Variants in CNTN4 observed in about 807,000 individuals in gnomAD.
CNTN4 encodes the protein contactin-4.
CNTN4 carries 77 observed loss-of-function variants against 122.5 expected under a neutral mutation model. That is an observed-to-expected ratio of 0.63 (90% CI 0.52 to 0.76). The LOEUF is 0.76. Among genes scored for constraint, CNTN4 ranks in the 30% least tolerant of loss-of-function variants. The pLI is 0.00. For synonymous variants in CNTN4, 512 were observed against 447.0 expected, an observed-to-expected ratio of 1.15 and a Z score of -1.83; for missense variants, 1,256 against 1,259.1, an observed-to-expected ratio of 1.00 and a Z score of 0.04.
intron 3 of CNTN4, among the ~76,000 whole-genome samples, chr3:2,568,557 A>C (rs2079284037): frequency 6.6e-6 from 1 of 151,956 alleles, no homozygotes; most frequent in Non-Finnish European, 1.5e-5. Context: ...TGCCACCATA[A>C]CTCTTGGCTC....
intron 13 of CNTN4, among the ~76,000 whole-genome samples, chr3:2,929,829 A>G (rs955073201): frequency 4.6e-5 from 7 of 152,198 alleles, no homozygotes; most frequent in Admixed American, 1.3e-4. Context: ...TGGACTGAGA[A>G]TGGGACAGGG....
At chr3:2,973,491 C>T (rs1693128015) in intron 13 of CNTN4, among the ~76,000 whole-genome samples, 1 of 151,944 alleles carries the variant, frequency 6.6e-6, no homozygotes, top group Non-Finnish European at 1.5e-5. Flanking sequence ...TTGTGCATAG[C>T]TTCATTTTGG....
intron 4 of CNTN4, among the ~76,000 whole-genome samples, chr3:2,714,899 G>A (rs907448905): frequency 5.9e-5 from 9 of 152,092 alleles, no homozygotes; most frequent in African/African-American, 9.7e-5. Context: ...ACCACGCTGG[G>A]CCCAGTTCGA....
rs146318312 is a variant in CNTN4 at position 2,404,646 on chromosome 3, T to A, written c.-89+65413T>A. 2.5e-3 allele frequency among the ~76,000 whole-genome samples: 388 copies of A among 152,312 alleles called. 1 individual carries two copies. The highest frequency in any genetic ancestry group is 0.02 in the Middle Eastern group (6 of 294). ...AACTGATTATCTAGGGTAATCTCCC[T>A]GTTGTAAAGTCAGCTAATTAATCAC... On this transcript the variant is annotated intron_variant, in intron 3 of 24. Transcript: ENST00000418658.
chr3:2,234,370 CA>C (rs72401999), intron 2 of CNTN4, among the ~76,000 whole-genome samples: 11,903 of 94,242 alleles, frequency 0.13, 520 homozygotes, highest in Non-Finnish European at 0.17. Context: ...AAGTCCATCT[CA>C]AAAAAAAAAA....
At chr3:2,684,375 G>T (rs537975501) in intron 4 of CNTN4, among the ~76,000 whole-genome samples, 2 of 152,132 alleles carry the variant, frequency 1.3e-5, no homozygotes, top group East Asian at 3.9e-4. Context: ...AATGAATTCT[G>T]CAGACCAGCT....
chr3:2,308,682 T>A (rs1302474672), intron 2 of CNTN4, among the ~76,000 whole-genome samples: 1 of 152,124 alleles, frequency 6.6e-6, no homozygotes, highest in East Asian at 1.9e-4. Flanking sequence ...ATTTTCCACA[T>A]ATTTACAAAT....
chr3:2,596,790 G>A (rs2080789965), intron 4 of CNTN4, among the ~76,000 whole-genome samples: 2 of 152,014 alleles, frequency 1.3e-5, no homozygotes, highest in South Asian at 4.1e-4. Flanking sequence ...AAATTATAAG[G>A]CCATTCTATC....
At chr3:3,042,282 T>C (rs368065901) in intron 20 of CNTN4, 28 bp from the exon 21 acceptor site, 790 of 1,432,616 alleles carry the variant, frequency 5.5e-4, no homozygotes, top group Non-Finnish European at 6.5e-4. Context: ...GCTGATAGAG[T>C]AATAACTATC....
chr3:2,826,252 A>C (rs2092986306), intron 7 of CNTN4, among the ~76,000 whole-genome samples: 1 of 152,152 alleles, frequency 6.6e-6, no homozygotes, highest in Non-Finnish European at 1.5e-5. Context: ...TCTTGATGGC[A>C]GGGGATCCTC....
intron 7 of CNTN4, among the ~76,000 whole-genome samples, chr3:2,828,526 G>T (rs1011831779): frequency 6.6e-6 from 1 of 152,050 alleles, no homozygotes; most frequent in Non-Finnish European, 1.5e-5. Flanking sequence ...AGAATGTTGA[G>T]GTCAGCCAAA....
intron 3 of CNTN4, among the ~76,000 whole-genome samples, chr3:2,404,391 T>C (rs1432054163): frequency 1.3e-5 from 2 of 152,142 alleles, no homozygotes; most frequent in Non-Finnish European, 2.9e-5. Context: ...GGCCCTCATA[T>C]TTTGCTGGTT....
At chr3:3,000,724 T>C (rs1457674258) in intron 14 of CNTN4, among the ~76,000 whole-genome samples, 2 of 152,138 alleles carry the variant, frequency 1.3e-5, no homozygotes, top group Admixed American at 6.5e-5. Flanking sequence ...GACTCATATA[T>C]CCCACCCAAC....
intron 3 of CNTN4, among the ~76,000 whole-genome samples, chr3:2,363,002 A>C (rs959453039): frequency 2.6e-5 from 4 of 152,192 alleles, no homozygotes; most frequent in South Asian, 2.1e-4. Flanking sequence ...TTTTTCATGT[A>C]TCTGCTGAGA....
In CNTN4 at chr3:2,337,574, G is replaced by T. The variant is rs140600005; in HGVS notation, c.-144-1604G>T. Among the ~76,000 whole-genome samples the T allele has an allele frequency of 1.4e-3, 214 of 152,156 alleles. 1 individual carries two copies. The highest frequency in any genetic ancestry group is 2.9e-3 in the South Asian group (14 of 4,818). On this transcript the variant is annotated intron_variant, in intron 2 of 24. Coordinates refer to ENST00000418658, the MANE Select transcript of CNTN4 (RefSeq NM_175607.3). ...AGAATTGAGGATTATATCAATTAAA[G>T]AATTGTTCAAGATCACATGATTAGT... is the stretch of plus-strand genomic sequence containing the variant.
At chr3:2,708,289 T>C (rs1294664000) in intron 4 of CNTN4, among the ~76,000 whole-genome samples, 1 of 152,152 alleles carries the variant, frequency 6.6e-6, no homozygotes, top group Non-Finnish European at 1.5e-5. Context: ...TTGCTGATGA[T>C]ACAATGGCAT....
At chr3:2,924,101 C>T (rs536030845) in intron 12 of CNTN4, among the ~76,000 whole-genome samples, 335 of 152,094 alleles carry the variant, frequency 2.2e-3, no homozygotes, top group Middle Eastern at 6.8e-3. Flanking sequence ...ATTTTACCTT[C>T]GCATGAGAAT....
chr3:2,363,731 C>T lies in CNTN4; in HGVS notation c.-89+24498C>T, dbSNP rs17013225. On this transcript the variant is annotated intron_variant, in intron 3 of 24. Coordinates refer to ENST00000418658, the MANE Select transcript of CNTN4 (RefSeq NM_175607.3). ...TCTTTCCTCCTTTTATAGACTTTCA[C>T]GAAGATAGAGAATAACTGGTCAGCA... 7.7e-3 allele frequency among the ~76,000 whole-genome samples: 1,169 copies of T among 152,164 alleles called. 19 individuals carry two copies. Among genetic ancestry groups the T allele is most frequent in the African/African-American group, 0.027 (1,107 of 41,502 alleles).
intron 4 of CNTN4, among the ~76,000 whole-genome samples, chr3:2,601,297 A>G (rs968304116): frequency 2.0e-5 from 3 of 152,140 alleles, no homozygotes; most frequent in Non-Finnish European, 1.5e-5. Flanking sequence ...TCTGAATGGT[A>G]TTGCCTAGGT....
Sources: allele counts gnomAD v4.1 joint callset (sites outside exome capture counted in the v4.1 genomes callset), GRCh38; gene constraint gnomAD v4.1.1; transcripts MANE v1.5; gene names NCBI Gene and HGNC (gene_info 2026-07-23, HGNC 2026-07-21).